Variants in PLAG1 observed in about 807,000 individuals in gnomAD.
The protein encoded by PLAG1 is PLAG1 zinc finger, also known as zinc finger protein PLAG1.
PLAG1 carries 7 observed loss-of-function variants against 35.5 expected under a neutral mutation model. That is an observed-to-expected ratio of 0.20 (90% CI 0.11 to 0.37). PLAG1 has a LOEUF of 0.37. PLAG1 is among the 10% of genes least tolerant of loss of function. PLAG1 has a pLI of 1.00. For synonymous variants in PLAG1, 229 were observed against 225.4 expected (o/e 1.02, Z -0.14); for missense variants, 454 against 602.8 (o/e 0.75, Z 2.58).
chr8:56,199,583 C>T (rs929121309), intron 1 of PLAG1, among the ~76,000 whole-genome samples: 1 of 152,044 alleles, frequency 6.6e-6, no homozygotes, highest in Non-Finnish European at 1.5e-5. Context: ...TGGGAAATTC[C>T]AAGATGGGAG....
intron 1 of PLAG1, among the ~76,000 whole-genome samples, chr8:56,191,243 C>T (rs1812173522): frequency 6.6e-6 from 1 of 152,122 alleles, no homozygotes; most frequent in East Asian, 1.9e-4. Flanking sequence ...AGTGGAGAAG[C>T]AGAACATTCT....
chr8:56,194,151 T>C (rs1164343451), intron 1 of PLAG1, among the ~76,000 whole-genome samples: 2 of 151,634 alleles, frequency 1.3e-5, no homozygotes, highest in Non-Finnish European at 2.9e-5. Context: ...CCATCTCTAC[T>C]AAAAAAATAC....
rs950641967 is a variant in PLAG1 at position 56,163,775 on chromosome 8, T to A, written c.*2468A>T. 2 of 190,604 alleles carry A rather than the reference T, an allele frequency of 1.0e-5. No individual in the cohort carries two copies. The highest frequency in any genetic ancestry group is 4.7e-5 in the African/African-American group (2 of 42,864). 11.8% of individuals were successfully genotyped at this position (190,604 alleles called of 1,614,324 possible). On this transcript the variant is annotated 3_prime_UTR_variant, in exon 5 of 5. Coordinates refer to ENST00000316981, the MANE Select transcript of PLAG1 (RefSeq NM_002655.3). ...TTAATAAATCCTGGTACTCCCTTTT[T>A]TAAATTAGCAGTGAATACAGCCTAC...
chr8:56,177,102 A>G (rs1360056824), intron 2 of PLAG1, among the ~76,000 whole-genome samples: 1 of 152,240 alleles, frequency 6.6e-6, no homozygotes, highest in Non-Finnish European at 1.5e-5. Flanking sequence ...TAAAAGCTCA[A>G]GCAGAAATTA....
intron 1 of PLAG1, among the ~76,000 whole-genome samples, chr8:56,200,824 T>C (rs1175038082): frequency 6.6e-6 from 1 of 152,188 alleles, no homozygotes; most frequent in African/African-American, 2.4e-5. Flanking sequence ...CCTATAGTTT[T>C]TACTGTCTTT....
chr8:56,206,775 T>G (rs1246498329), intron 1 of PLAG1, among the ~76,000 whole-genome samples: 2 of 151,982 alleles, frequency 1.3e-5, no homozygotes, highest in African/African-American at 4.8e-5. Flanking sequence ...CTGATATAGT[T>G]TCAAAGTATT....
chr8:56,166,885 C>T lies in PLAG1; in HGVS notation c.861G>A (p.Gln287=), dbSNP rs1222418723. The change falls in exon 5 of 5, where the codon CAG becomes CAA. Residue 287 remains glutamine, a synonymous_variant. Coordinates refer to ENST00000316981, the MANE Select transcript of PLAG1 (RefSeq NM_002655.3). Reference sequence around the variant, plus strand: ...GAAATGGAGTGTTGTAGAGGTTTAACTGCAAAGTGTTTGTGAATGGCTTTG... The same window carrying T: ...GAAATGGAGTGTTGTAGAGGTTTAATTGCAAAGTGTTTGTGAATGGCTTTG... ...LLSKPFTNTL[Q]LNLYNTPFQS... 2 of 1,614,094 alleles carry T rather than the reference C, an allele frequency of 1.2e-6. No homozygotes were observed. The highest frequency in any genetic ancestry group is 1.7e-6 in the Non-Finnish European group (2 of 1,180,000).
chr8:56,203,499 C>G (rs1812617105), intron 1 of PLAG1, among the ~76,000 whole-genome samples: 1 of 152,106 alleles, frequency 6.6e-6, no homozygotes, highest in South Asian at 2.1e-4. Flanking sequence ...ACATTAAAAG[C>G]TAGACCTGAT....
chr8:56,181,947 G>T (rs557215380), intron 1 of PLAG1, among the ~76,000 whole-genome samples: 1 of 152,334 alleles, frequency 6.6e-6, no homozygotes, highest in Admixed American at 6.5e-5. Flanking sequence ...GTGTGTGTGT[G>T]GTTGTAGGGG....
intron 2 of PLAG1, among the ~76,000 whole-genome samples, chr8:56,174,616 AAACAGGGCC>A (rs1223219590): frequency 1.3e-5 from 2 of 152,202 alleles, no homozygotes; most frequent in African/African-American, 4.8e-5. Context: ...AAAAAAATTA[AAACAGGGCC>A]AAGTGCTTAC....
chr8:56,179,474 C>G lies in PLAG1; in HGVS notation c.-282G>C, dbSNP rs969231915. 2.0e-6 allele frequency: 2 copies of G among 980,646 alleles called. No homozygotes were observed. The highest frequency in any genetic ancestry group is 6.2e-5 in the Admixed American group (1 of 16,260). 60.7% of individuals were successfully genotyped at this position (980,646 alleles called of 1,614,324 possible). The stretch of plus-strand genomic sequence containing the variant: ...ATAGACCGTCACAGAATGAAGCATT[C>G]TGGGTGCCAAATACGGCCAAGGCAG... On this transcript the variant is annotated 5_prime_UTR_variant, in exon 2 of 5. Coordinates refer to ENST00000316981, the MANE Select transcript of PLAG1 (RefSeq NM_002655.3).
chr8:56,195,293 A>G (rs772963919), intron 1 of PLAG1, among the ~76,000 whole-genome samples: 8 of 152,150 alleles, frequency 5.3e-5, no homozygotes, highest in Non-Finnish European at 1.0e-4. Context: ...TTCTTCCTCT[A>G]TAACTGGGAA....
At chr8:56,196,390 G>C (rs1002704715) in intron 1 of PLAG1, among the ~76,000 whole-genome samples, 2 of 152,180 alleles carry the variant, frequency 1.3e-5, no homozygotes, top group Non-Finnish European at 2.9e-5. Flanking sequence ...CCGGATATAT[G>C]AGTGTGTGAT....
intron 1 of PLAG1, among the ~76,000 whole-genome samples, chr8:56,180,571 GT>G (rs1811835617): frequency 6.6e-6 from 1 of 152,176 alleles, no homozygotes; most frequent in Admixed American, 6.5e-5. Context: ...TATTGCCTAG[GT>G]TTTCTTCTAG....
Position 56,162,692 on chromosome 8 carries a change from T to A in PLAG1, c.*3551A>T, listed in dbSNP as rs1811239583. Reference sequence around the variant, plus strand: ...AAAAAATATTGGCCTATAATATGTGTATTGCTCACTAGATGAACGATCCTG... The same window carrying A: ...AAAAAATATTGGCCTATAATATGTGAATTGCTCACTAGATGAACGATCCTG... On this transcript the variant is annotated 3_prime_UTR_variant, in exon 5 of 5. Coordinates refer to ENST00000316981, the MANE Select transcript of PLAG1 (RefSeq NM_002655.3). The A allele has an allele frequency of 4.7e-6, 1 of 211,394 alleles. No homozygotes were observed. The highest frequency in any genetic ancestry group is 9.6e-6 in the Non-Finnish European group (1 of 104,052). 13.1% of individuals were successfully genotyped at this position (211,394 alleles called of 1,614,324 possible). A position where few individuals can be genotyped will look rare whatever the true frequency, so the allele number is the denominator to read the frequency against.
chr8:56,198,109 C>G (rs571570950), intron 1 of PLAG1, among the ~76,000 whole-genome samples: 2 of 152,344 alleles, frequency 1.3e-5, no homozygotes, highest in South Asian at 4.1e-4. Flanking sequence ...CCTCTAGCTT[C>G]CCTTCACCAC....
intron 1 of PLAG1, among the ~76,000 whole-genome samples, chr8:56,193,928 C>T (rs537198399): frequency 6.6e-6 from 1 of 152,092 alleles, no homozygotes; most frequent in East Asian, 1.9e-4. Flanking sequence ...CCATGTTAGC[C>T]AGGATGGTCT....
chr8:56,193,294 G>T (rs1309311189), intron 1 of PLAG1, among the ~76,000 whole-genome samples: 1 of 152,184 alleles, frequency 6.6e-6, no homozygotes, highest in African/African-American at 2.4e-5. Flanking sequence ...TGAAACTGGC[G>T]ATGGGTGTGA....
intron 2 of PLAG1, among the ~76,000 whole-genome samples, chr8:56,177,782 T>C (rs909280547): frequency 6.6e-6 from 1 of 152,110 alleles, no homozygotes; most frequent in African/African-American, 2.4e-5. Flanking sequence ...TTCAAATTGG[T>C]TATAAAGCAA....
Sources: allele counts gnomAD v4.1 joint callset (sites outside exome capture counted in the v4.1 genomes callset), GRCh38; gene constraint gnomAD v4.1.1; transcripts MANE v1.5; gene names NCBI Gene and HGNC (gene_info 2026-07-23, HGNC 2026-07-21).